CRK: variants seen among roughly 807,000 people sequenced by gnomAD.
CRK encodes the protein CRK proto-oncogene, adaptor protein.
CRK carries 4 observed loss-of-function variants against 29.8 expected under a neutral mutation model. The ratio of observed to expected loss-of-function variants is 0.13; its 90% confidence interval spans 0.07 to 0.31. The LOEUF (loss-of-function observed/expected upper bound fraction) is 0.31. Ranked by LOEUF, CRK falls within the 10% of genes least tolerant of loss-of-function variation. The pLI is 1.00. For synonymous variants in CRK, 153 were observed against 164.9 expected (o/e 0.93, Z 0.55); for missense variants, 274 against 396.5 (o/e 0.69, Z 2.62).
chr17:1,450,909 T>A (rs2074012283), intron 1 of CRK, among the ~76,000 whole-genome samples: 1 of 150,396 alleles, frequency 6.6e-6, no homozygotes, highest in African/African-American at 2.4e-5. Flanking sequence ...ACAAAACAAA[T>A]AGGCCGGGCG....
intron 1 of CRK, among the ~76,000 whole-genome samples, chr17:1,441,869 T>C (rs1052366593): frequency 6.6e-6 from 1 of 151,642 alleles, no homozygotes; most frequent in Non-Finnish European, 1.5e-5. Flanking sequence ...TTGTTTTTGT[T>C]TTCTGAGATA....
At position 1,421,555 on chromosome 17, in the gene CRK, C is replaced by T. The variant is rs116852245; in HGVS notation, c.*1958G>A. 1 of 152,286 alleles carries T rather than the reference C, an allele frequency of 6.6e-6. No homozygotes were observed. Among genetic ancestry groups the T allele is most frequent in the East Asian group, 1.9e-4 (1 of 5,184 alleles). The allele number at this position is 152,286 out of a possible 1,614,324, so 9.4% of individuals were successfully genotyped here. ...AGTTTAACGTCTTTATCAAGCATGA[C>T]CTTAGTGTGAGGTAAAATACATTAA... On this transcript the variant is annotated 3_prime_UTR_variant, in exon 3 of 3. Coordinates refer to ENST00000300574, the MANE Select transcript of CRK (RefSeq NM_016823.4).
At chr17:1,446,157 T>C (rs2073973202) in intron 1 of CRK, among the ~76,000 whole-genome samples, 2 of 152,130 alleles carry the variant, frequency 1.3e-5, no homozygotes, top group Admixed American at 1.3e-4. Context: ...GTTCACAGCA[T>C]TGTTGGAGAT....
At chr17:1,436,485 T>C in intron 2 of CRK, 135 bp downstream of exon 2, 1 of 912,068 alleles carries the variant, frequency 1.1e-6, no homozygotes, top group Non-Finnish European at 1.6e-6. Flanking sequence ...CAACATTCAA[T>C]GCCAACATCA....
At chr17:1,455,258 T>C (rs1161995404) in intron 1 of CRK, among the ~76,000 whole-genome samples, 1 of 152,170 alleles carries the variant, frequency 6.6e-6, no homozygotes, top group African/African-American at 2.4e-5. Flanking sequence ...CTGCTACCAC[T>C]ATTTCTTCTA....
At chr17:1,447,541 A>C (rs952990902) in intron 1 of CRK, among the ~76,000 whole-genome samples, 1 of 151,518 alleles carries the variant, frequency 6.6e-6, no homozygotes, top group Non-Finnish European at 1.5e-5. Context: ...AATAGGCCCA[A>C]TCACTTCTGA....
At chr17:1,454,267 G>C (rs112438472) in intron 1 of CRK, among the ~76,000 whole-genome samples, 2,973 of 152,192 alleles carry the variant, frequency 0.02, 106 homozygotes, top group African/African-American at 0.068. Flanking sequence ...TTGGCCAGGC[G>C]CGGTGGCTCT....
Position 1,425,335 on chromosome 17 carries a change from G to A in CRK, c.778-1685C>T, listed in dbSNP as rs538723689. The stretch of plus-strand genomic sequence containing the variant: ...TCTCGATCTCCTGACCTCGTGATCC[G>A]CCCGCCTCGGCCTCCCAAAGTGCTA... On this transcript the variant is annotated intron_variant, in intron 2 of 2. Coordinates refer to ENST00000300574, the MANE Select transcript of CRK (RefSeq NM_016823.4). Among the ~76,000 whole-genome samples the A allele has an allele frequency of 1.2e-4, 18 of 151,880 alleles. No individual in the cohort carries two copies. The South Asian group carries it at 1.2e-3, about 11-fold the overall frequency.
intron 2 of CRK, among the ~76,000 whole-genome samples, chr17:1,434,040 G>A (rs1245925461): frequency 6.6e-6 from 1 of 151,988 alleles, no homozygotes; most frequent in Admixed American, 6.6e-5. Context: ...TTGGAACACA[G>A]CAAGCTCATC....
Position 1,421,450 on chromosome 17 carries a change from T to C in CRK, c.*2063A>G, listed in dbSNP as rs2073723627. ...AACAAAGCAGTCAGATGGAATTACATGTAGTATTACAAATGTGTTCATTCA... is the reference window on the plus strand; with the variant it reads ...AACAAAGCAGTCAGATGGAATTACACGTAGTATTACAAATGTGTTCATTCA... On this transcript the variant is annotated 3_prime_UTR_variant, in exon 3 of 3. Coordinates refer to ENST00000300574, the MANE Select transcript of CRK (RefSeq NM_016823.4). 6.6e-6 allele frequency: 1 copy of C among 152,238 alleles called. No individual in the cohort carries two copies. The highest frequency in any genetic ancestry group is 2.4e-5 in the African/African-American group (1 of 41,464). 9.4% of individuals were successfully genotyped at this position (152,238 alleles called of 1,614,324 possible). A position where few individuals can be genotyped will look rare whatever the true frequency, so the allele number is the denominator to read the frequency against.
rs34493870 is a variant in CRK, at chr17:1,442,984, C to CTTTT, written c.242-5833_242-5830dup. On this transcript the variant is annotated intron_variant, in intron 1 of 2. Coordinates refer to ENST00000300574, the MANE Select transcript of CRK (RefSeq NM_016823.4). ...AGCTCACAGCAACCTCCCTTTCTTT[C>CTTTT]TTTTTTTTTTTTGAGACGGACTCTT... 6.2e-3 allele frequency among the ~76,000 whole-genome samples: 872 copies of CTTTT among 140,106 alleles called. 14 individuals are homozygous for CTTTT. Among genetic ancestry groups the CTTTT allele is most frequent in the Middle Eastern group, 0.019 (5 of 268 alleles). The allele number at this position is 140,106 out of a possible 152,430, so 91.9% of individuals were successfully genotyped here.
chr17:1,448,613 T>G (rs1240233472), intron 1 of CRK, among the ~76,000 whole-genome samples: 3 of 83,284 alleles, frequency 3.6e-5, no homozygotes, highest in African/African-American at 1.7e-4. Flanking sequence ...AGAGCAAGAC[T>G]CCATCTCAAA....
intron 1 of CRK, among the ~76,000 whole-genome samples, chr17:1,453,773 G>T (rs1389078730): frequency 6.6e-6 from 1 of 152,158 alleles, no homozygotes; most frequent in Non-Finnish European, 1.5e-5. Context: ...CAGGCGTAGT[G>T]GAGTGTGCCT....
intron 1 of CRK, among the ~76,000 whole-genome samples, chr17:1,446,022 C>G (rs1338876829): frequency 6.6e-6 from 1 of 152,154 alleles, no homozygotes; most frequent in Admixed American, 6.6e-5. Flanking sequence ...CTCGGCCTCC[C>G]AAAGTACTGG....
chr17:1,455,133 T>TA (rs2074046105), intron 1 of CRK, among the ~76,000 whole-genome samples: 1 of 152,210 alleles, frequency 6.6e-6, no homozygotes, highest in Non-Finnish European at 1.5e-5. Context: ...TTTCCTCCAC[T>TA]AAACACTTTG....
At chr17:1,424,728 G>C (rs1216337160) in intron 2 of CRK, 1 of 152,238 alleles carries the variant, frequency 6.6e-6, no homozygotes, top group East Asian at 1.9e-4. Flanking sequence ...AACCAACCAT[G>C]GCCGGGCGCA....
intron 1 of CRK, among the ~76,000 whole-genome samples, chr17:1,443,888 G>C (rs533102168): frequency 8.0e-5 from 12 of 150,866 alleles, no homozygotes; most frequent in African/African-American, 2.7e-4. Context: ...TTTTAGTAGA[G>C]ATGGAGTTTC....
intron 1 of CRK, among the ~76,000 whole-genome samples, chr17:1,450,482 G>A (rs1257827859): frequency 6.6e-6 from 1 of 151,870 alleles, no homozygotes; most frequent in African/African-American, 2.4e-5. Flanking sequence ...CCTCCGGCCC[G>A]GCGTGGGCGA....
chr17:1,428,853 C>T (rs1010321830), intron 2 of CRK, among the ~76,000 whole-genome samples: 22 of 144,174 alleles, frequency 1.5e-4, no homozygotes, highest in Admixed American at 2.8e-4. Flanking sequence ...GATTCTCTCT[C>T]TTTTTTTTTT....
Sources: allele counts gnomAD v4.1 joint callset (sites outside exome capture counted in the v4.1 genomes callset), GRCh38; gene constraint gnomAD v4.1.1; transcripts MANE v1.5; gene names NCBI Gene and HGNC (gene_info 2026-07-23, HGNC 2026-07-21).